The following OSBPL3 variants were observed in gnomAD, a reference collection of about 807,000 sequenced individuals.
OSBPL3 encodes oxysterol binding protein like 3.
In OSBPL3, 65 loss-of-function variants were observed where a neutral mutation model predicts 120.1. The ratio of observed to expected loss-of-function variants is 0.54; its 90% CI spans 0.44 to 0.67. The LOEUF is 0.67. Ranked by LOEUF, OSBPL3 falls within the 30% of genes least tolerant of loss-of-function variation. The pLI, the probability that OSBPL3 is intolerant of heterozygous loss-of-function variation, is 0.00. For missense variants in OSBPL3, 1,004 were observed against 1,082.1 expected, an observed-to-expected ratio of 0.93 and a Z score of 1.01; for synonymous variants, 416 against 402.6, an observed-to-expected ratio of 1.03 and a Z score of -0.40.
At chr7:24,858,550 C>T (rs1253052415) in intron 10 of OSBPL3, among the ~76,000 whole-genome samples, 2 of 152,198 alleles carry the variant, frequency 1.3e-5, no homozygotes, top group Non-Finnish European at 2.9e-5. Context: ...ACTGTAAAAC[C>T]ACAGGAATGA....
intron 1 of OSBPL3, among the ~76,000 whole-genome samples, chr7:24,903,431 G>C: frequency 6.6e-6 from 1 of 152,242 alleles, no homozygotes; most frequent in East Asian, 1.9e-4. Context: ...ATTCAAAGCT[G>C]ATAGGATTCC....
intron 1 of OSBPL3, among the ~76,000 whole-genome samples, chr7:24,945,844 TA>T (rs1382003099): frequency 6.6e-6 from 1 of 152,236 alleles, no homozygotes; most frequent in Non-Finnish European, 1.5e-5. Context: ...GAGTGATGCA[TA>T]AACAGTTGAT....
chr7:24,935,630 A>G (rs1812317238), intron 1 of OSBPL3, among the ~76,000 whole-genome samples: 1 of 152,158 alleles, frequency 6.6e-6, no homozygotes, highest in Non-Finnish European at 1.5e-5. Flanking sequence ...AGAATGATGA[A>G]AAGTTCTATT....
rs775767454 is a variant in OSBPL3 at position 24,810,253 on chromosome 7, G to A, written c.2173-302C>T. 2.7e-5 allele frequency: 6 copies of A among 220,658 alleles called. No individual in the cohort carries two copies. The East Asian group carries it at 3.8e-4, about 14-fold the overall frequency. The allele number at this position is 220,658 out of a possible 1,614,324, so 13.7% of individuals were successfully genotyped here. A position where few individuals can be genotyped will look rare whatever the true frequency, so the allele number is the denominator to read the frequency against. On this transcript the variant is annotated intron_variant, in intron 19 of 22. Coordinates refer to ENST00000313367, the MANE Select transcript of OSBPL3 (RefSeq NM_015550.4). The stretch of plus-strand genomic sequence containing the variant: ...CTTAACTCTCTCAGTGGCCGGGCAC[G>A]GTGGCTCACGCCTGTAATCCCAGCA...
chr7:24,808,717 G>C lies in OSBPL3; in HGVS notation c.2317+1090C>G, dbSNP rs4722393. 0.12 allele frequency among the ~76,000 whole-genome samples: 17,617 copies of C among 152,250 alleles called. 1,319 individuals are homozygous for C. Among genetic ancestry groups the C allele is most frequent in the East Asian group, 0.23 (1,174 of 5,184 alleles). On this transcript the variant is annotated intron_variant, in intron 20 of 22. Transcript: ENST00000313367. This position sits in a 1 kb window ranked among gnomAD's most constrained non-coding sequence, Gnocchi z 4.6. ...ACTGATTCTGTTCAAATGGCATTGTGCCCTTACTGGGGATTAATCCAAGAC... is the reference window on the plus strand; with the variant it reads ...ACTGATTCTGTTCAAATGGCATTGTCCCCTTACTGGGGATTAATCCAAGAC...
chr7:24,927,949 G>A (rs1413884417), intron 1 of OSBPL3, among the ~76,000 whole-genome samples: 1 of 151,960 alleles, frequency 6.6e-6, no homozygotes, highest in Non-Finnish European at 1.5e-5. Context: ...GGGCCTGGTG[G>A]GAGGTGATTG....
intron 1 of OSBPL3, among the ~76,000 whole-genome samples, chr7:24,951,013 T>C (rs1293143454): frequency 5.3e-5 from 8 of 152,208 alleles, no homozygotes; most frequent in Admixed American, 4.6e-4. Flanking sequence ...TGCATTTATA[T>C]GATATTGTGT....
chr7:24,977,594 C>G (rs746982611), intron 1 of OSBPL3, among the ~76,000 whole-genome samples: 5 of 152,142 alleles, frequency 3.3e-5, no homozygotes, highest in Non-Finnish European at 4.4e-5. Context: ...CGGTGGCTCA[C>G]GCCTGTAATC....
rs1439292063 is a variant in OSBPL3, at chr7:24,816,661, C to T, written c.1976G>A (p.Gly659Asp). The T allele has an allele frequency of 5.6e-6, 9 of 1,612,116 alleles. No individual in the cohort carries two copies. The highest frequency in any genetic ancestry group is 6.8e-6 in the Non-Finnish European group (8 of 1,178,352). The change falls in exon 18 of 23, where the codon GGC (glycine) becomes GAC (aspartate). Residue 659 changes from glycine to aspartate, a missense_variant. Around this residue, in one of 4 missense-constraint regions of OSBPL3, gnomAD observed 473 missense variants for 568.0 expected, o/e 0.83. Coordinates refer to ENST00000313367, the MANE Select transcript of OSBPL3 (RefSeq NM_015550.4). ...AATTGGAACAATTTCCATGGATTTG[C>T]CCCAGAATTTGTTTTTCCATCTCAC... ...QDVRWKNKFW[G>D]KSMEIVPIGT... is the part of the protein sequence containing the mutation.
intron 1 of OSBPL3, among the ~76,000 whole-genome samples, chr7:24,924,738 G>A (rs1359117754): frequency 7.1e-6 from 1 of 139,958 alleles, no homozygotes; most frequent in Non-Finnish European, 1.6e-5. Flanking sequence ...CTGTCCTGAG[G>A]CCTGTATGAG....
At chr7:24,928,412 C>T (rs6953791) in intron 1 of OSBPL3, among the ~76,000 whole-genome samples, 110,298 of 151,860 alleles carry the variant, frequency 0.73, 41,028 homozygotes, top group Non-Finnish European at 0.83. Context: ...AGGATGGTCT[C>T]GATCTCCTGA....
intron 13 of OSBPL3, among the ~76,000 whole-genome samples, chr7:24,841,628 G>T (rs1182592367): frequency 2.1e-5 from 3 of 141,580 alleles, no homozygotes; most frequent in Non-Finnish European, 4.5e-5. Flanking sequence ...CTGGGAGGCA[G>T]AGGTTGCAGT....
chr7:24,815,300 A>G lies in OSBPL3; in HGVS notation c.2028-97T>C. On this transcript the variant is annotated intron_variant, in intron 18 of 22. Transcript: ENST00000313367. This position sits in a 1 kb window ranked among gnomAD's most constrained non-coding sequence, Gnocchi z 5.1. ...TTTTATAAAATAAGTCATGCAATGC[A>G]TTATTCATCTCTTTATTCACAGAAG... 1 of 905,674 alleles carries G rather than the reference A, an allele frequency of 1.1e-6. No homozygotes were observed. Among genetic ancestry groups the G allele is most frequent in the Non-Finnish European group, 1.7e-6 (1 of 572,460 alleles). The allele number at this position is 905,674 out of a possible 1,614,324, so 56.1% of individuals were successfully genotyped here. A position where few individuals can be genotyped will look rare whatever the true frequency, so the allele number is the denominator to read the frequency against.
intron 1 of OSBPL3, among the ~76,000 whole-genome samples, chr7:24,935,198 G>A (rs988275758): frequency 6.6e-6 from 1 of 152,132 alleles, no homozygotes; most frequent in African/African-American, 2.4e-5. Flanking sequence ...TTCACAAGAA[G>A]TTGCAAAAAT....
chr7:24,872,548 G>A lies in OSBPL3; in HGVS notation c.97-479C>T, dbSNP rs540886099. ...GAACAGTATGAGACAATGCAAATCAGTAAATATGACAACTTGATTGAAATA... is the reference window on the plus strand; with the variant it reads ...GAACAGTATGAGACAATGCAAATCAATAAATATGACAACTTGATTGAAATA... On this transcript the variant is annotated intron_variant, in intron 2 of 22. Coordinates refer to ENST00000313367, the MANE Select transcript of OSBPL3 (RefSeq NM_015550.4). The surrounding 1 kb of genome is among the most constrained non-coding windows in gnomAD (Gnocchi z 4.1). 2.6e-5 allele frequency among the ~76,000 whole-genome samples: 4 copies of A among 151,462 alleles called. No individual in the cohort carries two copies. The highest frequency in any genetic ancestry group is 2.1e-4 in the South Asian group (1 of 4,812).
rs1488054138 is a variant in OSBPL3 at position 24,835,097 on chromosome 7, T to C, written c.1496-361A>G. Among the ~76,000 whole-genome samples, 1 of 152,220 alleles carries C rather than the reference T, an allele frequency of 6.6e-6. No homozygotes were observed. The highest frequency in any genetic ancestry group is 1.5e-5 in the Non-Finnish European group (1 of 68,036). On this transcript the variant is annotated intron_variant, in intron 14 of 22. Coordinates refer to ENST00000313367, the MANE Select transcript of OSBPL3 (RefSeq NM_015550.4). This position sits in a 1 kb window ranked among gnomAD's most constrained non-coding sequence, Gnocchi z 4.8. ...TTTAAAAAATCACTTTAAATTCTGGTAAAACAATTGTGTTTATTACAGGAA... is the reference window on the plus strand; with the variant it reads ...TTTAAAAAATCACTTTAAATTCTGGCAAAACAATTGTGTTTATTACAGGAA...
intron 1 of OSBPL3, among the ~76,000 whole-genome samples, chr7:24,908,574 C>A (rs979619442): frequency 6.6e-6 from 1 of 152,188 alleles, no homozygotes; most frequent in Admixed American, 6.5e-5. Context: ...CTTCTAAAAT[C>A]ATATTCTAGT....
intron 7 of OSBPL3, 36 bp downstream of exon 7, chr7:24,865,306 G>C (rs757549787): frequency 6.2e-7 from 1 of 1,608,730 alleles, no homozygotes; most frequent in Non-Finnish European, 8.5e-7. Flanking sequence ...TCATCTAATA[G>C]CCACAACAGA....
intron 1 of OSBPL3, among the ~76,000 whole-genome samples, chr7:24,962,783 C>A (rs1348637062): frequency 2.0e-5 from 3 of 152,126 alleles, no homozygotes; most frequent in Non-Finnish European, 4.4e-5. Context: ...TACTTTTGGA[C>A]GTTTTAGCAA....
Sources: gnomAD v4.1 joint callset for allele counts (sites outside exome capture counted in the v4.1 genomes callset) on GRCh38, gnomAD v4.1.1 for gene constraint, gnomAD v4.1.1 regional missense constraint, Gnocchi (gnomAD v3.1) non-coding constraint, MANE v1.5 for transcripts, NCBI Gene and HGNC (gene_info 2026-07-23, HGNC 2026-07-21) for gene names.